The following CLDN16 variants were observed in gnomAD, a reference collection of about 807,000 sequenced individuals.
CLDN16 encodes the protein claudin-16.
Under a neutral mutation model 24.6 loss-of-function variants are expected in CLDN16, and 13 were observed. That is an observed-to-expected ratio of 0.53 (90% CI 0.34 to 0.84). CLDN16 has a LOEUF of 0.84. CLDN16 is among the 40% of genes least tolerant of loss of function. CLDN16 has a pLI of 0.01. For synonymous variants in CLDN16, 116 were observed against 106.7 expected (o/e 1.09, Z -0.54); for missense variants, 298 against 292.7 (o/e 1.02, Z -0.13).
chr3:190,405,428 GAAAA>G (rs542527344), intron 3 of CLDN16, among the ~76,000 whole-genome samples: 1 of 81,150 alleles, frequency 1.2e-5, no homozygotes, highest in Non-Finnish European at 2.3e-5. Flanking sequence ...CCGTCTCACG[GAAAA>G]AAAAAAAAAA....
In CLDN16 at chr3:190,402,402, C is replaced by T; in HGVS notation, c.180C>T (p.Thr60=). 1.9e-6 allele frequency: 3 copies of T among 1,613,938 alleles called. No homozygotes were observed. The highest frequency in any genetic ancestry group is 2.5e-6 in the Non-Finnish European group (3 of 1,179,940). Residue 60 remains threonine, a synonymous_variant, in exon 2 of 5, where the codon ACC becomes ACT. Transcript: ENST00000264734. ...CAAATGCTTTTGATGGGATTCGCAC[C>T]TGTGATGAGTACGATTCCATACTTG... ...CVTNAFDGIR[T]CDEYDSILAE...
chr3:190,350,549 T>A (rs1385102855), intron 1 of CLDN16, among the ~76,000 whole-genome samples: 1 of 152,076 alleles, frequency 6.6e-6, no homozygotes, highest in Non-Finnish European at 1.5e-5. Context: ...ATGAAAAATA[T>A]CACAGGTAAA....
chr3:190,329,244 T>C (rs1175409976), intron 1 of CLDN16, among the ~76,000 whole-genome samples: 2 of 152,210 alleles, frequency 1.3e-5, no homozygotes, highest in Non-Finnish European at 2.9e-5. Flanking sequence ...GATAGAGAGA[T>C]GAGTGCACCC....
chr3:190,356,548 G>C (rs1023672016), intron 1 of CLDN16, among the ~76,000 whole-genome samples: 1 of 151,666 alleles, frequency 6.6e-6, no homozygotes, highest in Non-Finnish European at 1.5e-5. Flanking sequence ...ATAATTAGAT[G>C]GCCCTTCCTC....
intron 1 of CLDN16, among the ~76,000 whole-genome samples, chr3:190,323,027 C>CACACACACACAG (rs1219134741): frequency 1.3e-5 from 2 of 149,848 alleles, no homozygotes; most frequent in Non-Finnish European, 1.5e-5. Context: ...CACACACACA[C>CACACACACACAG]AGACACACTC....
intron 1 of CLDN16, among the ~76,000 whole-genome samples, chr3:190,337,903 T>C (rs1357514334): frequency 6.6e-6 from 1 of 152,176 alleles, no homozygotes; most frequent in South Asian, 2.1e-4. Flanking sequence ...GATCCTATGA[T>C]ACATTGAATC....
chr3:190,408,792 A>G (rs1244010932), intron 4 of CLDN16, among the ~76,000 whole-genome samples: 1 of 148,520 alleles, frequency 6.7e-6, no homozygotes, highest in Non-Finnish European at 1.5e-5. Flanking sequence ...ACATATATAC[A>G]CACATATACA....
upstream of CLDN16, chr3:190,322,248 CA>C: frequency 6.3e-7 from 1 of 1,582,776 alleles, no homozygotes; most frequent in South Asian, 1.1e-5. Flanking sequence ...GTGGCAGGTG[CA>C]GAAGGCGGAG....
At position 190,411,702 on chromosome 3, in the gene CLDN16, G is replaced by C. The variant is rs919743196; in HGVS notation, c.*1666G>C. The C allele has an allele frequency of 6.6e-6, 1 of 152,128 alleles. No individual in the cohort carries two copies. Among genetic ancestry groups the C allele is most frequent in the Non-Finnish European group, 1.5e-5 (1 of 68,000 alleles). 9.4% of individuals were successfully genotyped at this position (152,128 alleles called of 1,614,324 possible). On this transcript the variant is annotated 3_prime_UTR_variant, in exon 5 of 5. Transcript: ENST00000264734. Reference sequence around the variant, plus strand: ...CGAGATTGCTGTTTATTACTTCCCAGAGTATCTTTAACAGTATTCTCTGAA... The same window carrying C: ...CGAGATTGCTGTTTATTACTTCCCACAGTATCTTTAACAGTATTCTCTGAA...
chr3:190,304,016 G>T, the CLDN16 span, among the ~76,000 whole-genome samples: 1 of 152,148 alleles, frequency 6.6e-6, no homozygotes, highest in African/African-American at 2.4e-5. Flanking sequence ...GGACAAGGTT[G>T]GTCCTGAGAG....
the CLDN16 span, among the ~76,000 whole-genome samples, chr3:190,311,823 T>C: frequency 2.2e-4 from 34 of 151,910 alleles, no homozygotes; most frequent in Non-Finnish European, 1.0e-4. Context: ...ACTATAATTT[T>C]TTAAATAGGC....
At chr3:190,311,513 C>A in the CLDN16 span, among the ~76,000 whole-genome samples, 3 of 152,076 alleles carry the variant, frequency 2.0e-5, no homozygotes, top group African/African-American at 7.2e-5. Context: ...AAAGCCCCTA[C>A]AAGTCTTCTG....
chr3:190,323,394 A>G lies in CLDN16; in HGVS notation n.121+733A>G, dbSNP rs541053956. Among the ~76,000 whole-genome samples the G allele has an allele frequency of 2.6e-5, 4 of 152,266 alleles. No individual in the cohort carries two copies. In the East Asian group the frequency reaches 7.7e-4, roughly 29 times the overall value. On this transcript the variant is annotated intron_variant and non_coding_transcript_variant, in intron 1 of 4. Coordinates refer to the CLDN16 transcript ENST00000468220. ...TTGAGGAAGTCTGGGCTCTGGTTCC[A>G]GCTTTTACTGTGACTGGCTATCTCA...
intron 3 of CLDN16, 87 bp from the exon 4 acceptor site, chr3:190,408,227 C>T (rs1318791961): frequency 2.0e-5 from 26 of 1,307,168 alleles, no homozygotes; most frequent in Non-Finnish European, 2.6e-5. Flanking sequence ...TGAATCACGC[C>T]AGCCATTTTG....
intron 1 of CLDN16, among the ~76,000 whole-genome samples, chr3:190,340,249 A>G (rs1360136513): frequency 3.9e-5 from 6 of 152,232 alleles, no homozygotes; most frequent in Non-Finnish European, 8.8e-5. Flanking sequence ...GAGATCTGGT[A>G]TAAGACAAGG....
intron 1 of CLDN16, among the ~76,000 whole-genome samples, chr3:190,339,183 G>T (rs1413658614): frequency 2.6e-5 from 4 of 152,084 alleles, no homozygotes; most frequent in Non-Finnish European, 5.9e-5. Flanking sequence ...ATCTTTTCCT[G>T]CTCTTCTTGC....
chr3:190,404,783 C>A lies in CLDN16; in HGVS notation c.239C>A (p.Ala80Glu). Residue 80 changes from alanine (A) to glutamate (E), a missense_variant, in exon 3 of 5, where the codon GCG becomes GAG. Physicochemically the swap from Ala to Glu is moderately radical, Grantham distance 107 (BLOSUM62 -1). Transcript: ENST00000264734. ...EHPLKLVVTR[A>E]LMITADILAG... ...CCAGTGAAGCTGGTGGTAACTCGAG[C>A]GTTGATGATTACTGCAGATATTCTA... 1 of 1,614,050 alleles carries A rather than the reference C, an allele frequency of 6.2e-7. No individual in the cohort carries two copies. The highest frequency in any genetic ancestry group is 1.3e-5 in the African/African-American group (1 of 74,996).
upstream of CLDN16, among the ~76,000 whole-genome samples, chr3:190,319,008 C>T (rs1716843688): frequency 6.6e-6 from 1 of 152,052 alleles, no homozygotes; most frequent in Non-Finnish European, 1.5e-5. Flanking sequence ...CTAGCCTAAC[C>T]TCCCATTTGT....
chr3:190,301,286 G>A, the CLDN16 span, among the ~76,000 whole-genome samples: 1 of 152,130 alleles, frequency 6.6e-6, no homozygotes, highest in Non-Finnish European at 1.5e-5. Flanking sequence ...CCTGAGGTCA[G>A]GAGTTCGAGA....
Sources: gnomAD v4.1 joint callset for allele counts (sites outside exome capture counted in the v4.1 genomes callset) on GRCh38, gnomAD v4.1.1 for gene constraint, MANE v1.5 for transcripts, NCBI Gene and HGNC (gene_info 2026-07-23, HGNC 2026-07-21) for gene names.